The following RBM41 variants were observed in gnomAD, a reference collection of about 807,000 sequenced individuals.
RBM41 encodes the protein RNA binding motif protein 41, also known as RNA-binding protein 41.
RBM41 carries 14 observed loss-of-function variants against 30.8 expected under a neutral mutation model. The ratio of observed to expected loss-of-function variants is 0.45; its 90% CI spans 0.30 to 0.71. RBM41 has a LOEUF of 0.71. RBM41 is among the 30% of genes least tolerant of loss of function. The pLI is 0.08. For missense variants in RBM41, 276 were observed against 326.3 expected (o/e 0.85, Z 1.19); for synonymous variants, 120 against 110.1 (o/e 1.09, Z -0.56).
chrX:107,118,741 G>C (rs1925099740), intron 1 of RBM41, 25 bp downstream of exon 1: 1 of 1,209,250 alleles, frequency 8.3e-7, no homozygotes, highest in African/African-American at 1.7e-5. Flanking sequence ...TCCCCTTGCC[G>C]CCTGCTCTTC....
chrX:107,065,703 A>T lies in RBM41; in HGVS notation c.*1824T>A, dbSNP rs1051438427. Reference sequence around the variant, plus strand: ...TTTGTTCCTGTGGATTTGTCTTACCATCTGGAGTCAGTTCTTTAGTACAAG... The same window carrying T: ...TTTGTTCCTGTGGATTTGTCTTACCTTCTGGAGTCAGTTCTTTAGTACAAG... On this transcript the variant is annotated 3_prime_UTR_variant, in exon 8 of 8. Coordinates refer to ENST00000685964, the MANE Select transcript of RBM41 (RefSeq NM_001324242.2). 1 of 1,128,291 alleles carries T rather than the reference A, an allele frequency of 8.9e-7. No individual in the cohort carries two copies. Among genetic ancestry groups the T allele is most frequent in the African/African-American group, 1.8e-5 (1 of 54,064 alleles). 93.0% of individuals were successfully genotyped at this position (1,128,291 alleles called of 1,213,427 possible).
At chrX:107,110,317 C>A (rs891676172) in intron 5 of RBM41, among the ~76,000 whole-genome samples, 4 of 111,081 alleles carry the variant, frequency 3.6e-5, no homozygotes, top group African/African-American at 1.3e-4. Context: ...CATATAAATG[C>A]ACATACATAA....
chrX:107,069,144 T>C, intron 7 of RBM41, 111 bp downstream of exon 7: 1 of 725,953 alleles, frequency 1.4e-6, no homozygotes, highest in Non-Finnish European at 2.0e-6. Flanking sequence ...CATTGTCTTG[T>C]TCTCACATGC....
intron 3 of RBM41, 52 bp downstream of exon 3, chrX:107,115,808 TGC>T: frequency 9.0e-7 from 1 of 1,110,764 alleles, no homozygotes; most frequent in Non-Finnish European, 1.2e-6. Context: ...GAAGATATTT[TGC>T]TCTGTTTCTT....
rs143393406 is a variant in RBM41, at chrX:107,067,666, T to C, written c.1175A>G (p.His392Arg). 1.6e-4 allele frequency: 194 copies of C among 1,206,666 alleles called. 1 individual carries two copies. Among genetic ancestry groups the C allele is most frequent in the Non-Finnish European group, 2.1e-4 (188 of 893,626 alleles). Residue 392 changes from histidine (H) to arginine (R), a missense_variant, in exon 8 of 8, where the codon CAT (histidine) becomes CGT (arginine). Physicochemically the swap from His to Arg is conservative, Grantham distance 29. Coordinates refer to ENST00000685964, the MANE Select transcript of RBM41 (RefSeq NM_001324242.2). ...ATGTAGTTTGTATCCATTTACTAGATGCAATGCTTGCCATGCTATCTCCTT... is the reference window on the plus strand; with the variant it reads ...ATGTAGTTTGTATCCATTTACTAGACGCAATGCTTGCCATGCTATCTCCTT... Reference protein sequence around the residue: ...PNKEIAWQALHLVNGYKLHGK... With the variant: ...PNKEIAWQALRLVNGYKLHGK...
rs952122203 is a variant in RBM41 at position 107,104,149 on chromosome X, C to T, written c.595+9248G>A. Among the ~76,000 whole-genome samples, 6 of 110,612 alleles carry T rather than the reference C, an allele frequency of 5.4e-5. 1 individual carries two copies. Among genetic ancestry groups the T allele is most frequent in the Non-Finnish European group, 1.1e-4 (6 of 52,909 alleles). On this transcript the variant is annotated intron_variant, in intron 5 of 7. Transcript: ENST00000685964. ...AGTATATCACTACAGATTTATACAC[C>T]GGTCAAAAGTCAGCAAATGAACACT... is the stretch of plus-strand genomic sequence containing the variant.
Position 107,062,229 on chromosome X carries a change from A to G in RBM41, c.*5298T>C, listed in dbSNP as rs1384867579. Among the ~76,000 whole-genome samples, 1 of 112,034 alleles carries G rather than the reference A, an allele frequency of 8.9e-6. No homozygotes were observed. Among genetic ancestry groups the G allele is most frequent in the East Asian group, 2.8e-4 (1 of 3,586 alleles). ...ATTTAAGATTCATCCAAGTGGTTGC[A>G]TGTGTATTTCATTAGTTTATTGCTG... On this transcript the variant is annotated 3_prime_UTR_variant, in exon 8 of 8. Coordinates refer to ENST00000685964, the MANE Select transcript of RBM41 (RefSeq NM_001324242.2).
intron 6 of RBM41, among the ~76,000 whole-genome samples, chrX:107,073,023 C>T (rs976009579): frequency 3.6e-5 from 4 of 111,129 alleles, no homozygotes; most frequent in East Asian, 2.8e-4. Flanking sequence ...AACGTAAGAC[C>T]GGAAACTAAA....
intron 5 of RBM41, among the ~76,000 whole-genome samples, chrX:107,112,038 T>C (rs1016169395): frequency 8.1e-5 from 9 of 111,497 alleles, no homozygotes; most frequent in African/African-American, 2.9e-4. Flanking sequence ...ATTTTATGTA[T>C]ATTTTACCAC....
intron 5 of RBM41, among the ~76,000 whole-genome samples, chrX:107,111,272 A>T (rs923355436): frequency 1.8e-5 from 2 of 111,915 alleles, no homozygotes; most frequent in Admixed American, 9.5e-5. Context: ...ACAAATGGCC[A>T]AAAAGCATGT....
At chrX:107,060,828 C>T (rs1935627691), downstream of RBM41, among the ~76,000 whole-genome samples, 1 of 111,183 alleles carries the variant, frequency 9.0e-6, no homozygotes, top group Non-Finnish European at 1.9e-5. Flanking sequence ...AAGAGGAAAA[C>T]TGTAACTTTA....
At chrX:107,086,479 T>C (rs1035734638) in intron 6 of RBM41, among the ~76,000 whole-genome samples, 3 of 109,490 alleles carry the variant, frequency 2.7e-5, no homozygotes, top group African/African-American at 6.7e-5. Flanking sequence ...GACACTGTAA[T>C]AGAATGACAC....
rs1436662748 is a variant in RBM41 at position 107,088,665 on chromosome X, G to A, written c.770C>T (p.Pro257Leu). Residue 257 changes from proline to leucine, a missense_variant, in exon 6 of 8, where the codon CCA (proline) becomes CTA (leucine). Transcript: ENST00000685964. ...TTTTCCCTTGTCCTGGAGTAATGAT[G>A]GGCTCTCAGCTGTGCCACTATCACC... ...SVGDSGTAESPSLLQDKGKQA... is the reference protein window; with the variant it reads ...SVGDSGTAESLSLLQDKGKQA... The A allele has an allele frequency of 1.7e-6, 2 of 1,209,169 alleles. No individual in the cohort carries two copies. The highest frequency in any genetic ancestry group is 3.5e-5 in the African/African-American group (2 of 56,896).
At position 107,085,731 on chromosome X, in the gene RBM41, T is replaced by C. The variant is rs371389543; in HGVS notation, c.999+2705A>G. 3.8e-4 allele frequency among the ~76,000 whole-genome samples: 43 copies of C among 112,339 alleles called. 1 individual carries two copies. The South Asian group carries it at 7.4e-3, about 19-fold the overall frequency. On this transcript the variant is annotated intron_variant, in intron 6 of 7. Coordinates refer to ENST00000685964, the MANE Select transcript of RBM41 (RefSeq NM_001324242.2). ...TTTTGCCTCTGTGAACTGCCTGTTA[T>C]GTCTGTTTTTATAAACACTTTTATT...
chrX:107,056,326 G>C, the RBM41 span, among the ~76,000 whole-genome samples: 1 of 111,757 alleles, frequency 8.9e-6, no homozygotes, highest in Non-Finnish European at 1.9e-5. Context: ...ATCTGTATTC[G>C]TAAGGGACAT....
At chrX:107,097,193 C>G in intron 5 of RBM41, among the ~76,000 whole-genome samples, 1 of 111,984 alleles carries the variant, frequency 8.9e-6, no homozygotes, top group Non-Finnish European at 1.9e-5. Flanking sequence ...TACTGTAGGA[C>G]ACAGAAATTC....
At chrX:107,097,690 T>G (rs1923100025) in intron 5 of RBM41, among the ~76,000 whole-genome samples, 3 of 111,684 alleles carry the variant, frequency 2.7e-5, no homozygotes, top group African/African-American at 9.8e-5. Flanking sequence ...TATGGCAGTC[T>G]GAGAACAGAC....
chrX:107,093,601 T>C lies in RBM41; in HGVS notation c.596-4762A>G, dbSNP rs1295321388. 2.7e-5 allele frequency among the ~76,000 whole-genome samples: 3 copies of C among 111,847 alleles called. No individual in the cohort carries two copies. In the East Asian group the frequency reaches 8.4e-4, roughly 31 times the overall value. ...CAGCTAAAACAATGCTGCATCCATA[T>C]GATAGACAGTTAAAGCTTTAAATGC... On this transcript the variant is annotated intron_variant, in intron 5 of 7. Transcript: ENST00000685964.
chrX:107,095,510 C>T (rs1299077185), intron 5 of RBM41, among the ~76,000 whole-genome samples: 4 of 109,210 alleles, frequency 3.7e-5, no homozygotes, highest in East Asian at 2.9e-4. Context: ...GCAGGAGAAT[C>T]GCTTGAACCT....
Sources: gnomAD v4.1 joint callset for allele counts (sites outside exome capture counted in the v4.1 genomes callset) on GRCh38, gnomAD v4.1.1 for gene constraint, MANE v1.5 for transcripts, NCBI Gene and HGNC (gene_info 2026-07-23, HGNC 2026-07-21) for gene names.